Variants in SEMA6D observed in about 807,000 individuals in gnomAD.
SEMA6D encodes semaphorin-6D.
SEMA6D carries 35 observed loss-of-function variants against 106.6 expected under a neutral mutation model. That is an observed-to-expected ratio of 0.33 (90% CI 0.25 to 0.44). The LOEUF (loss-of-function observed/expected upper bound fraction) is 0.44. Among genes scored for constraint, SEMA6D ranks in the 20% least tolerant of loss-of-function variants. The pLI, the probability that SEMA6D is intolerant of heterozygous loss-of-function variation, is 1.00. For synonymous variants in SEMA6D, 499 were observed against 487.7 expected, an observed-to-expected ratio of 1.02 and a Z score of -0.31; for missense variants, 1,185 against 1,345.9, an observed-to-expected ratio of 0.88 and a Z score of 1.87.
At chr15:47,462,585 G>A (rs4407004) in intron 2 of SEMA6D, among the ~76,000 whole-genome samples, 3 of 151,858 alleles carry the variant, frequency 2.0e-5, no homozygotes, top group Non-Finnish European at 2.9e-5. Context: ...AGATTAAATC[G>A]TTGACTGTAA....
At chr15:47,283,332 A>G (rs1425729085) in intron 1 of SEMA6D, among the ~76,000 whole-genome samples, 1 of 152,158 alleles carries the variant, frequency 6.6e-6, no homozygotes, top group African/African-American at 2.4e-5. Flanking sequence ...GAATCATTAA[A>G]TTTAAACACT....
intron 1 of SEMA6D, among the ~76,000 whole-genome samples, chr15:47,205,731 G>A (rs535732730): frequency 1.3e-5 from 2 of 151,928 alleles, no homozygotes; most frequent in Non-Finnish European, 2.9e-5. Context: ...ACCATAATAA[G>A]CTAAAAATTA....
At position 47,281,596 on chromosome 15, in the gene SEMA6D, G is replaced by A. The variant is rs553088714; in HGVS notation, c.-239+97178G>A. 7.2e-5 allele frequency among the ~76,000 whole-genome samples: 11 copies of A among 151,998 alleles called. No homozygotes were observed. The East Asian group carries it at 9.7e-4, about 13-fold the overall frequency. The stretch of plus-strand genomic sequence containing the variant: ...ATGATGTTAGCTGGTTATTTTGCTC[G>A]TTAGTTGATGCAGTTTCTTCCTAGT... On this transcript the variant is annotated intron_variant, in intron 1 of 19. Transcript: ENST00000558014.
chr15:47,254,313 A>G (rs974109263), intron 1 of SEMA6D, among the ~76,000 whole-genome samples: 2 of 78,738 alleles, frequency 2.5e-5, no homozygotes, highest in Admixed American at 1.6e-4. Flanking sequence ...ATATATATGT[A>G]TATATATGTG....
intron 3 of SEMA6D, among the ~76,000 whole-genome samples, chr15:47,499,739 A>G (rs1021083298): frequency 1.3e-5 from 2 of 152,268 alleles, no homozygotes; most frequent in African/African-American, 4.8e-5. Flanking sequence ...ATAAAGCTAT[A>G]TCTGGAGGGC....
chr15:47,577,386 T>C (rs2076174015), intron 3 of SEMA6D, among the ~76,000 whole-genome samples: 1 of 152,226 alleles, frequency 6.6e-6, no homozygotes, highest in African/African-American at 2.4e-5. Context: ...TTCACATTTC[T>C]GAAAAAGTCA....
chr15:47,766,676 T>C lies in SEMA6D; in HGVS notation c.1707T>C (p.His569=). ...ACACAGCTCATCTAGGGGACTGCCATGGTAAGACAGAATCTTCCATTCCCA... is the reference window on the plus strand; with the variant it reads ...ACACAGCTCATCTAGGGGACTGCCACGGTAAGACAGAATCTTCCATTCCCA... ...FGNTAHLGDC[H]EILPTSTTPD... Residue 569 remains histidine (H), a splice_region_variant and synonymous_variant, in exon 16 of 19, where the codon CAT becomes CAC. Coordinates refer to ENST00000536845, the MANE Select transcript of SEMA6D (RefSeq NM_001358351.3). The C allele has an allele frequency of 1.9e-6, 3 of 1,601,246 alleles. No individual in the cohort carries two copies. Among genetic ancestry groups the C allele is most frequent in the Non-Finnish European group, 2.6e-6 (3 of 1,168,864 alleles).
At chr15:47,320,572 T>A (rs1171931350) in intron 1 of SEMA6D, among the ~76,000 whole-genome samples, 1 of 152,096 alleles carries the variant, frequency 6.6e-6, no homozygotes, top group Non-Finnish European at 1.5e-5. Context: ...TCTGCCCCCT[T>A]CTCCCTATGC....
intron 4 of SEMA6D, among the ~76,000 whole-genome samples, chr15:47,635,990 A>G (rs2077381547): frequency 6.6e-6 from 1 of 152,106 alleles, no homozygotes; most frequent in Admixed American, 6.6e-5. Flanking sequence ...TACCGAAGAG[A>G]ATCTTTCCAT....
At chr15:47,372,580 C>T (rs1263691635) in intron 1 of SEMA6D, among the ~76,000 whole-genome samples, 1 of 152,014 alleles carries the variant, frequency 6.6e-6, no homozygotes, top group Non-Finnish European at 1.5e-5. Context: ...ACAAAGCACA[C>T]ATCTGCAGGG....
intron 4 of SEMA6D, among the ~76,000 whole-genome samples, chr15:47,670,478 G>A (rs1211530211): frequency 2.6e-5 from 4 of 152,180 alleles, no homozygotes; most frequent in Non-Finnish European, 4.4e-5. Context: ...CTTGGCTAAT[G>A]CATAGCGGGA....
chr15:47,324,803 T>G (rs759418921), intron 1 of SEMA6D, among the ~76,000 whole-genome samples: 1 of 151,916 alleles, frequency 6.6e-6, no homozygotes, highest in Non-Finnish European at 1.5e-5. Context: ...TTTATATATA[T>G]CTAGGTATAT....
chr15:47,221,160 A>T (rs949596511), intron 1 of SEMA6D, among the ~76,000 whole-genome samples: 1 of 152,166 alleles, frequency 6.6e-6, no homozygotes, highest in Non-Finnish European at 1.5e-5. Context: ...GGCCAATAGA[A>T]GATAACCTGT....
At chr15:47,568,963 G>T (rs1425668868) in intron 3 of SEMA6D, among the ~76,000 whole-genome samples, 1 of 151,992 alleles carries the variant, frequency 6.6e-6, no homozygotes, top group Non-Finnish European at 1.5e-5. Context: ...TTCAAACTGT[G>T]CTCTATGGAA....
chr15:47,770,613 T>C lies in SEMA6D; in HGVS notation c.2050T>C (p.Tyr684His), dbSNP rs2082579430. 2 of 1,614,074 alleles carry C rather than the reference T, an allele frequency of 1.2e-6. No homozygotes were observed. Among genetic ancestry groups the C allele is most frequent in the South Asian group, 2.2e-5 (2 of 91,070 alleles). Residue 684 changes from tyrosine to histidine, a missense_variant, in exon 19 of 19, where the codon TAC (tyrosine) becomes CAC (histidine). Physicochemically the swap from Tyr to His is moderately conservative, Grantham distance 83. Transcript: ENST00000536845. Reference sequence around the variant, plus strand: ...GGCATTCATTGCAGGTGTGGCAGTATACTGCTATCGAGACATGTTTGTTCG... The same window carrying C: ...GGCATTCATTGCAGGTGTGGCAGTACACTGCTATCGAGACATGTTTGTTCG... ...LGAFIAGVAV[Y>H]CYRDMFVRKN...
chr15:47,308,923 T>C (rs750245110), intron 1 of SEMA6D, among the ~76,000 whole-genome samples: 5 of 152,210 alleles, frequency 3.3e-5, no homozygotes, highest in Non-Finnish European at 7.3e-5. Flanking sequence ...AGTTATTGAT[T>C]TGGCATCATA....
intron 2 of SEMA6D, among the ~76,000 whole-genome samples, chr15:47,465,271 A>G (rs1045479652): frequency 3.3e-5 from 5 of 152,166 alleles, no homozygotes; most frequent in Admixed American, 1.3e-4. Flanking sequence ...AATCATTTCT[A>G]TTTGGCCTCT....
rs961842192 is a variant in SEMA6D at position 47,599,753 on chromosome 15, T to C, written c.-86-1112T>C. Among the ~76,000 whole-genome samples, 4 of 152,154 alleles carry C rather than the reference T, an allele frequency of 2.6e-5. No individual in the cohort carries two copies. In the East Asian group the frequency reaches 5.8e-4, roughly 22 times the overall value. On this transcript the variant is annotated intron_variant, in intron 3 of 19. Transcript: ENST00000558014. The stretch of plus-strand genomic sequence containing the variant: ...TTCTTTTATAAACCCAGTCCACTAA[T>C]GCATACAAAGCTCTGTTTCTGCCCT...
intron 2 of SEMA6D, among the ~76,000 whole-genome samples, chr15:47,445,728 A>C (rs1231942261): frequency 1.5e-5 from 2 of 136,322 alleles, no homozygotes; most frequent in Non-Finnish European, 3.1e-5. Flanking sequence ...ATTTTTTACT[A>C]TTCTAGTTTA....
Sources: gnomAD v4.1 joint callset for allele counts (sites outside exome capture counted in the v4.1 genomes callset) on GRCh38, gnomAD v4.1.1 for gene constraint, MANE v1.5 for transcripts, NCBI Gene and HGNC (gene_info 2026-07-23, HGNC 2026-07-21) for gene names.